Variants in DDX10 observed in about 807,000 individuals in gnomAD.
The protein encoded by DDX10 is DEAD-box helicase 10, also known as probable ATP-dependent RNA helicase DDX10.
In DDX10, 74 loss-of-function variants were observed where a neutral mutation model predicts 104.3. That is an observed-to-expected ratio of 0.71 (90% CI 0.59 to 0.86). The LOEUF (loss-of-function observed/expected upper bound fraction) is 0.86. Among genes scored for constraint, DDX10 ranks in the 40% least tolerant of loss-of-function variants. The pLI is 0.00. For missense variants in DDX10, 952 were observed against 1,040.0 expected, an observed-to-expected ratio of 0.92 and a Z score of 1.16; for synonymous variants, 351 against 353.4, an observed-to-expected ratio of 0.99 and a Z score of 0.08.
chr11:108,722,950 T>C, intron 12 of DDX10, 47 bp from the exon 13 acceptor site: 7 of 1,534,634 alleles, frequency 4.6e-6, no homozygotes, highest in East Asian at 2.3e-5. Flanking sequence ...CCTATAAACA[T>C]ATCATCAGTG....
At chr11:108,877,589 C>T (rs1257997849) in intron 16 of DDX10, among the ~76,000 whole-genome samples, 5 of 152,108 alleles carry the variant, frequency 3.3e-5, no homozygotes, top group African/African-American at 7.2e-5. Context: ...AGAGCGATGT[C>T]GGTTATGCAT....
At chr11:108,852,251 G>A in intron 16 of DDX10, 42 bp downstream of exon 16, 1 of 1,501,280 alleles carries the variant, frequency 6.7e-7, no homozygotes, top group Non-Finnish European at 9.1e-7. Context: ...CTCTATTAAG[G>A]TAGAATGGAC....
At chr11:108,797,729 A>G (rs1016290787) in intron 13 of DDX10, among the ~76,000 whole-genome samples, 4 of 152,230 alleles carry the variant, frequency 2.6e-5, no homozygotes, top group Non-Finnish European at 5.9e-5. Flanking sequence ...GCCAACAGCA[A>G]GTAACACAAC....
intron 16 of DDX10, among the ~76,000 whole-genome samples, chr11:108,861,715 G>A (rs1488383920): frequency 6.6e-6 from 1 of 152,140 alleles, no homozygotes; most frequent in East Asian, 1.9e-4. Flanking sequence ...CTGGGTGGTA[G>A]TTACATGGGG....
chr11:108,778,274 C>T (rs1482223627), intron 13 of DDX10, among the ~76,000 whole-genome samples: 12 of 152,162 alleles, frequency 7.9e-5, no homozygotes, highest in African/African-American at 2.2e-4. Context: ...GGAGGCATCA[C>T]GCTACCTGAC....
chr11:108,803,577 A>T (rs1862054650), intron 13 of DDX10, among the ~76,000 whole-genome samples: 1 of 112,606 alleles, frequency 8.9e-6, no homozygotes, highest in Non-Finnish European at 1.9e-5. Context: ...CTGGGCAACA[A>T]GAGCGAAAAA....
At chr11:108,751,531 A>G (rs987805456) in intron 13 of DDX10, among the ~76,000 whole-genome samples, 3 of 151,876 alleles carry the variant, frequency 2.0e-5, no homozygotes, top group Non-Finnish European at 2.9e-5. Flanking sequence ...ATCTAATCCA[A>G]TGTATAATCC....
chr11:108,702,894 T>G (rs2094270484), intron 9 of DDX10, among the ~76,000 whole-genome samples: 1 of 152,274 alleles, frequency 6.6e-6, no homozygotes, highest in African/African-American at 2.4e-5. Context: ...TTTGTATTGC[T>G]ACTTCCTACT....
rs137891981 is a variant in DDX10, at chr11:108,864,335, G to A, written c.2304+12126G>A. Among the ~76,000 whole-genome samples, 449 of 151,984 alleles carry A rather than the reference G, an allele frequency of 3.0e-3. 5 individuals are homozygous for A. Among genetic ancestry groups the A allele is most frequent in the African/African-American group, 0.01 (418 of 41,432 alleles). Reference sequence around the variant, plus strand: ...TGGGGTAGGGGACTTACTTACATGTGTTCATGCAGTATATATGTATAATTA... The same window carrying A: ...TGGGGTAGGGGACTTACTTACATGTATTCATGCAGTATATATGTATAATTA... On this transcript the variant is annotated intron_variant, in intron 16 of 17. Transcript: ENST00000322536.
intron 3 of DDX10, 104 bp downstream of exon 3, chr11:108,675,830 G>A: frequency 7.1e-7 from 1 of 1,415,310 alleles, no homozygotes; most frequent in African/African-American, 1.4e-5. Flanking sequence ...TAGATTTCAT[G>A]ATAGATTGGC....
At chr11:108,737,800 C>T (rs2094320200) in intron 13 of DDX10, among the ~76,000 whole-genome samples, 1 of 152,154 alleles carries the variant, frequency 6.6e-6, no homozygotes, top group African/African-American at 2.4e-5. Context: ...CATGATAAGG[C>T]ATGCCTACAC....
chr11:108,937,969 C>T lies in DDX10; in HGVS notation c.2451-2277C>T, dbSNP rs142573634. 7.4e-3 allele frequency among the ~76,000 whole-genome samples: 1,133 copies of T among 152,270 alleles called. 15 individuals carry two copies. The highest frequency in any genetic ancestry group is 0.031 in the Middle Eastern group (9 of 294). ...TCTAAGTCCCACAGAAGTGCTGACACGAAGATAAAATGCAGAGCTCAGGCT... is the reference window on the plus strand; with the variant it reads ...TCTAAGTCCCACAGAAGTGCTGACATGAAGATAAAATGCAGAGCTCAGGCT... On this transcript the variant is annotated intron_variant, in intron 17 of 17. Coordinates refer to ENST00000322536, the MANE Select transcript of DDX10 (RefSeq NM_004398.4).
intron 13 of DDX10, among the ~76,000 whole-genome samples, chr11:108,751,647 G>T (rs1591809209): frequency 6.6e-6 from 1 of 152,222 alleles, no homozygotes; most frequent in African/African-American, 2.4e-5. Context: ...GAGAGTGAAA[G>T]AGAGTGAGTT....
intron 16 of DDX10, among the ~76,000 whole-genome samples, chr11:108,890,845 A>G (rs917146507): frequency 6.6e-6 from 1 of 152,154 alleles, no homozygotes; most frequent in Non-Finnish European, 1.5e-5. Context: ...TAAGGAAGAA[A>G]TCCCACCTGT....
intron 13 of DDX10, among the ~76,000 whole-genome samples, chr11:108,792,557 G>GT (rs770112271): frequency 1.3e-5 from 2 of 152,064 alleles, no homozygotes; most frequent in Non-Finnish European, 2.9e-5. Context: ...TTAGAAATAA[G>GT]TTTATCATAT....
chr11:108,689,557 G>T (rs894667634), intron 7 of DDX10, among the ~76,000 whole-genome samples: 2 of 152,146 alleles, frequency 1.3e-5, no homozygotes, highest in African/African-American at 4.8e-5. Context: ...TAAAGAATCA[G>T]TTGTTCCCTC....
chr11:108,684,164 G>T (rs1213350846), intron 6 of DDX10, among the ~76,000 whole-genome samples: 16 of 76,526 alleles, frequency 2.1e-4, no homozygotes, highest in African/African-American at 4.1e-4. Context: ...TTTTTTTAAG[G>T]TTATAGATTT....
intron 13 of DDX10, among the ~76,000 whole-genome samples, chr11:108,784,702 C>T (rs1334448766): frequency 6.6e-6 from 1 of 152,082 alleles, no homozygotes; most frequent in East Asian, 1.9e-4. Flanking sequence ...TTAATTAGGT[C>T]CCGTTTATCA....
intron 13 of DDX10, among the ~76,000 whole-genome samples, chr11:108,726,542 T>C (rs1591802444): frequency 6.6e-6 from 1 of 152,258 alleles, no homozygotes; most frequent in East Asian, 1.9e-4. Context: ...TGTAGACTGA[T>C]CATTCTAAAC....
Sources: allele counts gnomAD v4.1 joint callset (sites outside exome capture counted in the v4.1 genomes callset), GRCh38; gene constraint gnomAD v4.1.1; transcripts MANE v1.5; gene names NCBI Gene and HGNC (gene_info 2026-07-23, HGNC 2026-07-21).